HPSE2: variants seen among roughly 807,000 people sequenced by gnomAD.
The protein encoded by HPSE2 is heparanase 2 (inactive), also known as inactive heparanase-2.
A neutral mutation model predicts 60.5 loss-of-function variants in HPSE2; 38 were observed. That is an observed-to-expected ratio of 0.63 (90% CI 0.48 to 0.82). HPSE2 has a LOEUF of 0.82. HPSE2 is among the 40% of genes least tolerant of loss of function. The probability of loss-of-function intolerance (pLI) is 0.00; values close to 1 mark genes in which losing one functional copy is unlikely to be tolerated. For missense variants in HPSE2, 713 were observed against 740.4 expected (o/e 0.96, Z 0.43); for synonymous variants, 295 against 293.2 (o/e 1.01, Z -0.06).
chr10:98,831,961 G>T (rs528215321), intron 3 of HPSE2, among the ~76,000 whole-genome samples: 1 of 152,156 alleles, frequency 6.6e-6, no homozygotes, highest in Non-Finnish European at 1.5e-5. Context: ...GATAATGACC[G>T]CTGATAGGTT....
chr10:98,821,531 T>C (rs1012609861), intron 3 of HPSE2, among the ~76,000 whole-genome samples: 2 of 152,312 alleles, frequency 1.3e-5, no homozygotes, highest in East Asian at 1.9e-4. Context: ...GTGACTATAG[T>C]TGAAGAAGCT....
rs139888800 is a variant in HPSE2, at chr10:98,648,499, G to T, written c.1005-6559C>A. Among the ~76,000 whole-genome samples, 9 of 152,238 alleles carry T rather than the reference G, an allele frequency of 5.9e-5. No homozygotes were observed. The East Asian group carries it at 1.4e-3, about 23-fold the overall frequency. ...GAGGAAATCAAAAGTACAAAACAAG[G>T]CTGGGCACAGTGGCTCATGCCTGTG... is the stretch of plus-strand genomic sequence containing the variant. On this transcript the variant is annotated intron_variant, in intron 6 of 11. Transcript: ENST00000370552.
chr10:98,984,720 T>G (rs938147412), intron 3 of HPSE2, among the ~76,000 whole-genome samples: 3 of 152,068 alleles, frequency 2.0e-5, no homozygotes, highest in South Asian at 2.1e-4. Flanking sequence ...TTCGAACCCA[T>G]GGCAAAGAAG....
At chr10:99,031,115 T>C (rs899994727) in intron 3 of HPSE2, among the ~76,000 whole-genome samples, 2 of 152,152 alleles carry the variant, frequency 1.3e-5, no homozygotes, top group African/African-American at 2.4e-5. Context: ...AATTCAACTG[T>C]ACATTTTAAA....
At chr10:98,923,772 T>C (rs1954360017) in intron 3 of HPSE2, among the ~76,000 whole-genome samples, 1 of 152,170 alleles carries the variant, frequency 6.6e-6, no homozygotes, top group African/African-American at 2.4e-5. Context: ...AATCTCTTTG[T>C]TAAATTTACC....
intron 3 of HPSE2, among the ~76,000 whole-genome samples, chr10:99,103,097 C>A (rs1479106808): frequency 1.3e-5 from 2 of 152,120 alleles, no homozygotes; most frequent in East Asian, 1.9e-4. Context: ...CTTTCTCACC[C>A]CTCCTAGTCA....
intron 3 of HPSE2, among the ~76,000 whole-genome samples, chr10:98,793,638 T>C (rs1043833979): frequency 6.6e-6 from 1 of 152,176 alleles, no homozygotes; most frequent in Non-Finnish European, 1.5e-5. Flanking sequence ...ATAAGTCACA[T>C]GAAGATAAGA....
chr10:99,091,212 T>C (rs914387543), intron 3 of HPSE2, among the ~76,000 whole-genome samples: 6 of 152,156 alleles, frequency 3.9e-5, no homozygotes, highest in African/African-American at 1.4e-4. Context: ...AAATTAAAAA[T>C]GAAACAGAAG....
At chr10:99,259,943 G>A in the HPSE2 span, among the ~76,000 whole-genome samples, 60 of 152,244 alleles carry the variant, frequency 3.9e-4, no homozygotes, top group South Asian at 0.011. Context: ...GTTTCAACCC[G>A]AAATCATCCC....
At chr10:98,848,917 C>T (rs771214713) in intron 3 of HPSE2, among the ~76,000 whole-genome samples, 5 of 151,926 alleles carry the variant, frequency 3.3e-5, no homozygotes, top group African/African-American at 4.8e-5. Flanking sequence ...TCTCATAAGA[C>T]ATTGTTGAGG....
At chr10:98,523,092 G>A (rs1942851372) in intron 9 of HPSE2, among the ~76,000 whole-genome samples, 1 of 149,838 alleles carries the variant, frequency 6.7e-6, no homozygotes, top group Admixed American at 6.7e-5. Flanking sequence ...CCCAACCATT[G>A]GAAAGGTTTT....
intron 9 of HPSE2, among the ~76,000 whole-genome samples, chr10:98,582,236 T>C (rs901738715): frequency 3.3e-5 from 5 of 152,240 alleles, no homozygotes; most frequent in African/African-American, 1.2e-4. Flanking sequence ...CTATGCTCTA[T>C]TTCTGTTGGA....
intron 9 of HPSE2, among the ~76,000 whole-genome samples, chr10:98,511,351 C>T (rs537995058): frequency 3.3e-5 from 5 of 152,130 alleles, no homozygotes; most frequent in East Asian, 1.9e-4. Flanking sequence ...AGGGTTTCAC[C>T]GTGTTAGCCA....
At chr10:98,587,347 G>GA in intron 9 of HPSE2, among the ~76,000 whole-genome samples, 1 of 152,216 alleles carries the variant, frequency 6.6e-6, no homozygotes, top group African/African-American at 2.4e-5. Flanking sequence ...TCATGATTCG[G>GA]AAAAAAATCT....
At chr10:98,763,511 T>C (rs1455040242) in intron 3 of HPSE2, among the ~76,000 whole-genome samples, 1 of 88,074 alleles carries the variant, frequency 1.1e-5, no homozygotes, top group Non-Finnish European at 3.0e-5. Context: ...TAAATGATCA[T>C]GTACTTCTCA....
chr10:99,229,133 C>T (rs1849566397), intron 2 of HPSE2, among the ~76,000 whole-genome samples: 1 of 151,330 alleles, frequency 6.6e-6, no homozygotes, highest in African/African-American at 2.4e-5. Context: ...AAGATAATGC[C>T]ACTGCCCTCT....
At chr10:99,184,821 G>T (rs1385755723) in intron 2 of HPSE2, among the ~76,000 whole-genome samples, 12,053 of 23,152 alleles carry the variant, frequency 0.52, 3,521 homozygotes, top group Non-Finnish European at 0.7. Context: ...TATATATATA[G>T]AGAGAGAGAG....
chr10:99,087,848 T>A (rs146204564), intron 3 of HPSE2, among the ~76,000 whole-genome samples: 3 of 152,288 alleles, frequency 2.0e-5, no homozygotes, highest in African/African-American at 7.2e-5. Context: ...AGTACTTTTA[T>A]CTGAAGAGTT....
chr10:98,480,531 T>C (rs1012153604), intron 11 of HPSE2, among the ~76,000 whole-genome samples: 1 of 152,028 alleles, frequency 6.6e-6, no homozygotes, highest in Non-Finnish European at 1.5e-5. Context: ...GGGGTTAAGG[T>C]ATGGCCAGCT....
Sources: gnomAD v4.1 joint callset for allele counts (sites outside exome capture counted in the v4.1 genomes callset) on GRCh38, gnomAD v4.1.1 for gene constraint, MANE v1.5 for transcripts, NCBI Gene and HGNC (gene_info 2026-07-23, HGNC 2026-07-21) for gene names.